The following NALCN variants were observed in gnomAD, a reference collection of about 807,000 sequenced individuals.
NALCN encodes sodium leak channel, non-selective, also known as sodium leak channel NALCN.
Under a neutral mutation model 225.3 loss-of-function variants are expected in NALCN, and 111 were observed. That is an observed-to-expected ratio of 0.49 (90% CI 0.42 to 0.58). The LOEUF is 0.58. Ranked by LOEUF, NALCN falls within the 20% of genes least tolerant of loss-of-function variation. The pLI is 0.00. For missense variants in NALCN, 1,378 were observed against 2,202.4 expected (o/e 0.63, Z 7.49); for synonymous variants, 764 against 769.0 (o/e 0.99, Z 0.11).
intron 7 of NALCN, among the ~76,000 whole-genome samples, chr13:101,295,038 T>C (rs1000494637): frequency 6.6e-6 from 1 of 152,094 alleles, no homozygotes; most frequent in African/African-American, 2.4e-5. Flanking sequence ...GATAAGGGCA[T>C]TTATAGCCCT....
At chr13:101,106,937 A>G (rs2035148288) in intron 22 of NALCN, among the ~76,000 whole-genome samples, 3 of 152,196 alleles carry the variant, frequency 2.0e-5, no homozygotes, top group South Asian at 2.1e-4. Context: ...GGTGTCCACA[A>G]CTAGTGTCTT....
rs183954516 is a variant in NALCN at position 101,329,947 on chromosome 13, G to A, written c.799+15319C>T. Among the ~76,000 whole-genome samples, 8 of 151,960 alleles carry A rather than the reference G, an allele frequency of 5.3e-5. No homozygotes were observed. The East Asian group carries it at 1.2e-3, about 22-fold the overall frequency. On this transcript the variant is annotated intron_variant, in intron 7 of 43. Coordinates refer to ENST00000251127, the MANE Select transcript of NALCN (RefSeq NM_052867.4). The stretch of plus-strand genomic sequence containing the variant: ...CCAGCTACTTGGGAGGCTGAGGCAT[G>A]AGAATTGCTTGAACCCGGGAGGAGG...
chr13:101,299,846 T>C (rs1200025078), intron 7 of NALCN, among the ~76,000 whole-genome samples: 7 of 152,110 alleles, frequency 4.6e-5, no homozygotes, highest in African/African-American at 1.7e-4. Flanking sequence ...TAAAAAAAAT[T>C]TTAGCCAAAG....
At chr13:101,240,788 C>G (rs2041731267) in intron 11 of NALCN, among the ~76,000 whole-genome samples, 1 of 152,042 alleles carries the variant, frequency 6.6e-6, no homozygotes, top group Non-Finnish European at 1.5e-5. Flanking sequence ...AAGGATTTAA[C>G]CTTTAATTCA....
chr13:101,166,644 GAC>G (rs1271166474), intron 15 of NALCN, among the ~76,000 whole-genome samples: 1 of 152,104 alleles, frequency 6.6e-6, no homozygotes, highest in Admixed American at 6.5e-5. Context: ...CTCCTCATCA[GAC>G]ACACGATTTG....
chr13:101,346,840 G>A (rs565130954), intron 6 of NALCN, among the ~76,000 whole-genome samples: 71 of 152,212 alleles, frequency 4.7e-4, no homozygotes, highest in Non-Finnish European at 9.3e-4. Context: ...AGACGCCAAA[G>A]TCTGGGCTTG....
At chr13:101,412,461 G>GC (rs1241139758) in intron 1 of NALCN, among the ~76,000 whole-genome samples, 1 of 152,104 alleles carries the variant, frequency 6.6e-6, no homozygotes, top group East Asian at 1.9e-4. Flanking sequence ...GCCTACCCCT[G>GC]CCCCCACCCT....
At chr13:101,284,887 C>T (rs762505549) in intron 9 of NALCN, among the ~76,000 whole-genome samples, 43 of 152,238 alleles carry the variant, frequency 2.8e-4, no homozygotes, top group Middle Eastern at 3.4e-3. Context: ...CGTATTTTCC[C>T]ACTAACATAT....
chr13:101,227,224 C>G (rs2041177944), intron 13 of NALCN, among the ~76,000 whole-genome samples: 1 of 152,194 alleles, frequency 6.6e-6, no homozygotes. Flanking sequence ...ACTGCCTTCT[C>G]CCACCTCTGC....
intron 13 of NALCN, among the ~76,000 whole-genome samples, chr13:101,194,433 TTG>T (rs1410764793): frequency 6.6e-6 from 1 of 152,182 alleles, no homozygotes. Flanking sequence ...GAAAATTAAC[TTG>T]TGTCTTGCTT....
At chr13:101,078,586 TG>T (rs2033418220) in intron 34 of NALCN, among the ~76,000 whole-genome samples, 3 of 152,320 alleles carry the variant, frequency 2.0e-5, no homozygotes, top group South Asian at 4.1e-4. Flanking sequence ...CCATTTGGAA[TG>T]GGTATATTTA....
chr13:101,167,033 G>A (rs1465450343), intron 15 of NALCN, among the ~76,000 whole-genome samples: 1 of 152,136 alleles, frequency 6.6e-6, no homozygotes, highest in Non-Finnish European at 1.5e-5. Flanking sequence ...ATATATGTGA[G>A]GGTTTACTTG....
chr13:101,380,522 T>A (rs528740160), intron 3 of NALCN, among the ~76,000 whole-genome samples: 2 of 152,268 alleles, frequency 1.3e-5, no homozygotes, highest in South Asian at 4.1e-4. Context: ...TCTGTAATCA[T>A]CCATGTAAGT....
intron 7 of NALCN, among the ~76,000 whole-genome samples, chr13:101,332,367 G>A (rs796684824): frequency 1.5e-4 from 8 of 54,882 alleles, no homozygotes; most frequent in African/African-American, 5.6e-4. Context: ...AGAGAAAAAC[G>A]ATGTTAAAAA....
In NALCN at chr13:101,403,734, T is replaced by C. The variant is rs1287738917; in HGVS notation, c.-39-4569A>G. On this transcript the variant is annotated intron_variant, in intron 1 of 43. Coordinates refer to ENST00000251127, the MANE Select transcript of NALCN (RefSeq NM_052867.4). The stretch of plus-strand genomic sequence containing the variant: ...TAACTTTTGTGCATAAACTGTGGGG[T>C]CTTTAGGAGTGCAAGTGAAATTGTT... Among the ~76,000 whole-genome samples the C allele has an allele frequency of 2.0e-5, 3 of 152,196 alleles. No individual in the cohort carries two copies. The South Asian group carries it at 6.2e-4, about 32-fold the overall frequency.
In NALCN at chr13:101,292,652, G is replaced by A. The variant is rs1167241024; in HGVS notation, c.800-286C>T. On this transcript the variant is annotated intron_variant, in intron 7 of 43. Coordinates refer to ENST00000251127, the MANE Select transcript of NALCN (RefSeq NM_052867.4). The surrounding 1 kb of genome is among the most constrained non-coding windows in gnomAD (Gnocchi z 4.3). ...AATAATGTGGAAAAGGAAATAAACA[G>A]TCAAACCAAGTATATATATGTATAA... is the stretch of plus-strand genomic sequence containing the variant. Among the ~76,000 whole-genome samples the A allele has an allele frequency of 6.6e-6, 1 of 152,084 alleles. No homozygotes were observed. The highest frequency in any genetic ancestry group is 1.9e-4 in the East Asian group (1 of 5,190).
At chr13:101,148,769 C>G (rs1364438991) in intron 15 of NALCN, among the ~76,000 whole-genome samples, 2 of 152,158 alleles carry the variant, frequency 1.3e-5, no homozygotes, top group African/African-American at 4.8e-5. Context: ...CAACTCTAAG[C>G]TAAACTCTCC....
chr13:101,108,324 C>T (rs1446285840), intron 20 of NALCN, among the ~76,000 whole-genome samples: 1 of 152,030 alleles, frequency 6.6e-6, no homozygotes, highest in African/African-American at 2.4e-5. Flanking sequence ...ATGTGCCAGG[C>T]ACTATTCTAG....
At chr13:101,184,525 T>C (rs188888898) in intron 14 of NALCN, among the ~76,000 whole-genome samples, 51 of 152,340 alleles carry the variant, frequency 3.3e-4, no homozygotes, top group African/African-American at 1.2e-3. Flanking sequence ...ACAGATATAT[T>C]TATTTTTTTT....
Sources: allele counts gnomAD v4.1 joint callset (sites outside exome capture counted in the v4.1 genomes callset), GRCh38; gene constraint gnomAD v4.1.1; non-coding constraint Gnocchi (gnomAD v3.1); transcripts MANE v1.5; gene names NCBI Gene and HGNC (gene_info 2026-07-23, HGNC 2026-07-21).